TAS2R1: variants seen among roughly 807,000 people sequenced by gnomAD.
TAS2R1 encodes the protein taste receptor type 2 member 1.
For synonymous variants in TAS2R1, 141 were observed against 134.2 expected (o/e 1.05, Z -0.35); for missense variants, 370 against 353.4 (o/e 1.05, Z -0.38).
chr5:9,895,655 A>G, the TAS2R1 span, among the ~76,000 whole-genome samples: 1 of 152,222 alleles, frequency 6.6e-6, no homozygotes, highest in Non-Finnish European at 1.5e-5. Flanking sequence ...TACAAATCCA[A>G]TATATGCAGT....
the TAS2R1 span, among the ~76,000 whole-genome samples, chr5:9,836,097 A>C: frequency 1.3e-5 from 2 of 151,784 alleles, no homozygotes; most frequent in South Asian, 2.1e-4. Flanking sequence ...GTCTCATGAG[A>C]TCTGTTGCTT....
the TAS2R1 span, among the ~76,000 whole-genome samples, chr5:9,898,885 T>G: frequency 6.6e-6 from 1 of 152,214 alleles, no homozygotes; most frequent in Admixed American, 6.5e-5. Flanking sequence ...TCAATAAAAC[T>G]TATCTGCAAT....
chr5:9,752,230 G>C, the TAS2R1 span, among the ~76,000 whole-genome samples: 1 of 152,192 alleles, frequency 6.6e-6, no homozygotes, highest in African/African-American at 2.4e-5. Context: ...ATTCAGGAGA[G>C]GTTGAATGTG....
the TAS2R1 span, among the ~76,000 whole-genome samples, chr5:9,836,775 C>T: frequency 6.6e-6 from 1 of 152,142 alleles, no homozygotes; most frequent in Non-Finnish European, 1.5e-5. Flanking sequence ...TCAGCCTGCT[C>T]CAGGGACACA....
At chr5:9,885,488 C>T in the TAS2R1 span, among the ~76,000 whole-genome samples, 5 of 152,138 alleles carry the variant, frequency 3.3e-5, no homozygotes, top group Non-Finnish European at 7.4e-5. Context: ...AACTTTGTTT[C>T]TGCAACATTG....
chr5:9,642,699 A>C (rs941053411), intron 2 of TAS2R1, among the ~76,000 whole-genome samples: 1 of 152,140 alleles, frequency 6.6e-6, no homozygotes, highest in Non-Finnish European at 1.5e-5. Flanking sequence ...CAATATTCTG[A>C]GATGTATTTG....
At chr5:9,685,951 C>T (rs1233884221) in intron 1 of TAS2R1, among the ~76,000 whole-genome samples, 1 of 152,206 alleles carries the variant, frequency 6.6e-6, no homozygotes, top group Non-Finnish European at 1.5e-5. Flanking sequence ...CTGCAACCTC[C>T]ACCTCCTGGG....
the TAS2R1 span, among the ~76,000 whole-genome samples, chr5:9,732,124 A>G: frequency 6.6e-6 from 1 of 152,212 alleles, no homozygotes; most frequent in Non-Finnish European, 1.5e-5. Flanking sequence ...GAAGCAAGTG[A>G]CATGAAAACA....
At chr5:9,707,047 G>A (rs1158864461) in intron 1 of TAS2R1, among the ~76,000 whole-genome samples, 1 of 152,150 alleles carries the variant, frequency 6.6e-6, no homozygotes, top group African/African-American at 2.4e-5. Context: ...GAGATGAGAT[G>A]CAGTGAAGGA....
intron 1 of TAS2R1, among the ~76,000 whole-genome samples, chr5:9,678,733 A>C (rs1740928757): frequency 6.6e-6 from 1 of 152,160 alleles, no homozygotes; most frequent in East Asian, 1.9e-4. Context: ...CTGACCGATG[A>C]GAACATATGG....
the TAS2R1 span, among the ~76,000 whole-genome samples, chr5:9,789,555 A>C: frequency 3.7e-4 from 57 of 152,238 alleles, 1 homozygote; most frequent in Non-Finnish European, 4.4e-5. Context: ...TTCATTTTTC[A>C]AATGACTGAG....
At chr5:9,694,726 T>C (rs776927919) in intron 1 of TAS2R1, among the ~76,000 whole-genome samples, 24 of 152,222 alleles carry the variant, frequency 1.6e-4, no homozygotes, top group Non-Finnish European at 3.2e-4. Flanking sequence ...GAGTTTGGTA[T>C]GAAAAAATTA....
upstream of TAS2R1, among the ~76,000 whole-genome samples, chr5:9,716,091 A>C (rs978606530): frequency 6.6e-6 from 1 of 152,154 alleles, no homozygotes; most frequent in Non-Finnish European, 1.5e-5. Context: ...GCTTCAATAC[A>C]ATGTGACTTA....
At chr5:9,777,248 C>T in the TAS2R1 span, among the ~76,000 whole-genome samples, 1 of 152,202 alleles carries the variant, frequency 6.6e-6, no homozygotes, top group Non-Finnish European at 1.5e-5. Context: ...GAACCTCTTT[C>T]AAAATTGGAA....
At chr5:9,640,026 G>A (rs182478206) in intron 2 of TAS2R1, among the ~76,000 whole-genome samples, 26 of 152,162 alleles carry the variant, frequency 1.7e-4, no homozygotes, top group Admixed American at 1.4e-3. Flanking sequence ...TAAGCATTTG[G>A]CCTATCATGG....
chr5:9,852,852 A>AAAT, the TAS2R1 span, among the ~76,000 whole-genome samples: 1 of 151,164 alleles, frequency 6.6e-6, no homozygotes, highest in African/African-American at 2.4e-5. Context: ...GAAAAAAAAA[A>AAAT]ATATATATAT....
chr5:9,638,697 G>C (rs1740015379), intron 2 of TAS2R1, among the ~76,000 whole-genome samples: 1 of 152,158 alleles, frequency 6.6e-6, no homozygotes, highest in Non-Finnish European at 1.5e-5. Flanking sequence ...GAATTTCTAT[G>C]TCTTGAGTTT....
At chr5:9,648,278 T>C in intron 2 of TAS2R1, among the ~76,000 whole-genome samples, 1 of 152,208 alleles carries the variant, frequency 6.6e-6, no homozygotes, top group South Asian at 2.1e-4. Flanking sequence ...AATAAAAATT[T>C]TAAATGAATA....
upstream of TAS2R1, among the ~76,000 whole-genome samples, chr5:9,631,317 G>A (rs1739869072): frequency 6.6e-6 from 1 of 152,154 alleles, no homozygotes; most frequent in Non-Finnish European, 1.5e-5. Context: ...ACAGCTCACT[G>A]CAGCTTCAAA....
Sources: allele counts gnomAD v4.1 joint callset (sites outside exome capture counted in the v4.1 genomes callset), GRCh38; gene constraint gnomAD v4.1.1; transcripts MANE v1.5; gene names NCBI Gene and HGNC (gene_info 2026-07-23, HGNC 2026-07-21).